NR2F1-AS1: variants seen among roughly 807,000 people sequenced by gnomAD.
The protein encoded by NR2F1-AS1 is NR2F1 antisense RNA 1.
intron 4 of NR2F1-AS1, among the ~76,000 whole-genome samples, chr5:93,469,457 C>A (rs1750319628): frequency 6.6e-6 from 1 of 152,046 alleles, no homozygotes; most frequent in Admixed American, 6.6e-5. Flanking sequence ...ATTACCTTAC[C>A]TAACAAAAGC....
chr5:93,474,415 G>C (rs1209812576), intron 4 of NR2F1-AS1, among the ~76,000 whole-genome samples: 1 of 152,134 alleles, frequency 6.6e-6, no homozygotes, highest in Non-Finnish European at 1.5e-5. Context: ...CTTTCAGCAG[G>C]CTGTACCAAA....
At chr5:93,581,980 CTCTCTCTCTCCCCTCTCCTCTCT>C (rs1220534649), upstream of NR2F1-AS1, among the ~76,000 whole-genome samples, 2 of 122,424 alleles carry the variant, frequency 1.6e-5, no homozygotes, top group Admixed American at 7.8e-5. Context: ...TCTCTCCTCT[CTCTCTCTCTCCCCTCTCCTCTCT>C]TCTCTCTCTC....
intron 4 of NR2F1-AS1, among the ~76,000 whole-genome samples, chr5:93,503,625 T>G (rs1751127783): frequency 1.3e-5 from 2 of 152,274 alleles, no homozygotes; most frequent in African/African-American, 4.8e-5. Context: ...AAACACCTCC[T>G]CTCTTTCTGA....
chr5:93,555,203 T>C (rs1752326647), intron 2 of NR2F1-AS1, among the ~76,000 whole-genome samples: 1 of 152,158 alleles, frequency 6.6e-6, no homozygotes, highest in African/African-American at 2.4e-5. Flanking sequence ...CTACAACGCC[T>C]AGCCGAACAA....
chr5:93,574,246 C>CG (rs941997525), intron 1 of NR2F1-AS1, among the ~76,000 whole-genome samples: 1 of 152,170 alleles, frequency 6.6e-6, no homozygotes, highest in Admixed American at 6.5e-5. Flanking sequence ...GGATGGCCCC[C>CG]GGGGGAGGAG....
At chr5:93,454,652 C>G (rs1749907329) in intron 4 of NR2F1-AS1, among the ~76,000 whole-genome samples, 1 of 152,152 alleles carries the variant, frequency 6.6e-6, no homozygotes, top group Non-Finnish European at 1.5e-5. Flanking sequence ...GGGAGCCAAC[C>G]ATGTGAATAG....
upstream of NR2F1-AS1, among the ~76,000 whole-genome samples, chr5:93,581,729 T>TCTCTCTCTCTCTCTCTCTCTCCCC (rs1753054646): frequency 2.8e-5 from 1 of 35,540 alleles, no homozygotes; most frequent in Non-Finnish European, 4.9e-5. Flanking sequence ...TCTCTCTCTC[T>TCTCTCTCTCTCTCTCTCTCTCCCC]CTCTCCCCCT....
intron 4 of NR2F1-AS1, among the ~76,000 whole-genome samples, chr5:93,510,862 T>G (rs746624699): frequency 3.1e-4 from 47 of 152,118 alleles, no homozygotes; most frequent in Non-Finnish European, 6.2e-4. Flanking sequence ...TTGGAGAAGT[T>G]TGATTGTTTA....
chr5:93,566,858 ATAAT>A (rs1381568117), intron 1 of NR2F1-AS1, among the ~76,000 whole-genome samples: 2 of 152,006 alleles, frequency 1.3e-5, no homozygotes, highest in South Asian at 2.1e-4. Flanking sequence ...TAATAGAGCA[ATAAT>A]TAAAGTAGAT....
intron 4 of NR2F1-AS1, chr5:93,541,797 C>A (rs1751955638): frequency 6.6e-6 from 1 of 151,410 alleles, no homozygotes; most frequent in Non-Finnish European, 1.5e-5. Flanking sequence ...ACAAGCAGGG[C>A]AGGAATCAAA....
At chr5:93,523,365 C>A (rs1014050510) in intron 4 of NR2F1-AS1, among the ~76,000 whole-genome samples, 17 of 152,206 alleles carry the variant, frequency 1.1e-4, no homozygotes, top group Non-Finnish European at 2.2e-4. Flanking sequence ...GCTTATACAT[C>A]AAACTCACAT....
chr5:93,517,234 A>G (rs1751416064), intron 4 of NR2F1-AS1, among the ~76,000 whole-genome samples: 2 of 152,088 alleles, frequency 1.3e-5, no homozygotes, highest in African/African-American at 4.8e-5. Context: ...GTACTATACA[A>G]CTGCTGATGT....
chr5:93,464,576 C>G (rs960966447), intron 4 of NR2F1-AS1, among the ~76,000 whole-genome samples: 2 of 152,118 alleles, frequency 1.3e-5, no homozygotes, highest in Non-Finnish European at 2.9e-5. Context: ...AGAACCATAT[C>G]TACAATGTTG....
chr5:93,565,220 C>T (rs1752591029), intron 1 of NR2F1-AS1, among the ~76,000 whole-genome samples: 1 of 152,022 alleles, frequency 6.6e-6, no homozygotes, highest in African/African-American at 2.4e-5. Context: ...CATTTTGTTT[C>T]ATATGGAACA....
intron 4 of NR2F1-AS1, among the ~76,000 whole-genome samples, chr5:93,466,866 A>G (rs995200805): frequency 7.9e-6 from 1 of 127,028 alleles, no homozygotes; most frequent in African/African-American, 2.9e-5. Flanking sequence ...TCATCTGATT[A>G]AAGTTTCTTC....
At chr5:93,552,668 T>C (rs1356689993) in intron 4 of NR2F1-AS1, among the ~76,000 whole-genome samples, 5 of 140,450 alleles carry the variant, frequency 3.6e-5, no homozygotes, top group African/African-American at 1.3e-4. Context: ...ATAATAACAA[T>C]TACAAAAAAA....
chr5:93,580,301 C>T (rs780977145), intron 1 of NR2F1-AS1, among the ~76,000 whole-genome samples: 2 of 152,232 alleles, frequency 1.3e-5, no homozygotes, highest in Non-Finnish European at 2.9e-5. Flanking sequence ...AGAGGCCGAG[C>T]GAGGGCAACT....
intron 4 of NR2F1-AS1, among the ~76,000 whole-genome samples, chr5:93,522,956 T>A (rs542432090): frequency 3.6e-4 from 55 of 152,082 alleles, no homozygotes; most frequent in African/African-American, 1.3e-3. Context: ...GGAGGTTTTT[T>A]TTTTTTCATA....
intron 4 of NR2F1-AS1, among the ~76,000 whole-genome samples, chr5:93,545,828 T>C (rs1253824401): frequency 1.3e-5 from 2 of 152,214 alleles, no homozygotes; most frequent in Admixed American, 6.5e-5. Context: ...CTCATACTAC[T>C]TGGGAGACAA....
Sources: gnomAD v4.1 joint callset for allele counts (sites outside exome capture counted in the v4.1 genomes callset) on GRCh38, gnomAD v4.1.1 for gene constraint, MANE v1.5 for transcripts, NCBI Gene and HGNC (gene_info 2026-07-23, HGNC 2026-07-21) for gene names.